ZNF606: variants seen among roughly 807,000 people sequenced by gnomAD.
The protein encoded by ZNF606 is zinc finger protein 606.
Under a neutral mutation model 74.9 loss-of-function variants are expected in ZNF606, and 37 were observed. The observed-to-expected ratio is 0.49, with a 90% CI of 0.38 to 0.65. The LOEUF (loss-of-function observed/expected upper bound fraction) is 0.65, where lower values mean the gene tolerates loss of function less well. Ranked by LOEUF, ZNF606 falls within the 30% of genes least tolerant of loss-of-function variation. The pLI, the probability that ZNF606 is intolerant of heterozygous loss-of-function variation, is 0.00. For missense variants in ZNF606, 852 were observed against 952.9 expected, an observed-to-expected ratio of 0.89 and a Z score of 1.39; for synonymous variants, 328 against 312.4, an observed-to-expected ratio of 1.05 and a Z score of -0.53.
upstream of ZNF606, chr19:58,003,262 A>C: frequency 2.2e-6 from 1 of 456,728 alleles, no homozygotes; most frequent in Non-Finnish European, 4.4e-6. Context: ...ACGGCTGAGA[A>C]CGTCAGGGCT....
chr19:57,993,130 C>T (rs1009539025), intron 4 of ZNF606, among the ~76,000 whole-genome samples: 13 of 152,144 alleles, frequency 8.5e-5, no homozygotes, highest in African/African-American at 3.1e-4. Context: ...AGTCAGGAAG[C>T]AGTCTCCCCT....
At chr19:57,990,841 T>G (rs143193969) in intron 4 of ZNF606, among the ~76,000 whole-genome samples, 1 of 152,100 alleles carries the variant, frequency 6.6e-6, no homozygotes, top group Non-Finnish European at 1.5e-5. Context: ...AAAGAACTGC[T>G]TCTGCTCCAA....
At chr19:57,987,335 T>A (rs113340447) in intron 6 of ZNF606, among the ~76,000 whole-genome samples, 99 of 151,922 alleles carry the variant, frequency 6.5e-4, no homozygotes, top group African/African-American at 2.2e-3. Context: ...AGCCTCAACA[T>A]CCCAGGCTCA....
chr19:57,987,358 C>T (rs1051311234), intron 6 of ZNF606, among the ~76,000 whole-genome samples: 1 of 152,092 alleles, frequency 6.6e-6, no homozygotes, highest in Non-Finnish European at 1.5e-5. Flanking sequence ...CAATCCTCAC[C>T]TCAGCCCCCT....
At chr19:58,000,659 C>A in intron 3 of ZNF606, 24 bp downstream of exon 3, 2 of 1,613,848 alleles carry the variant, frequency 1.2e-6, no homozygotes, top group Non-Finnish European at 1.7e-6. Flanking sequence ...TGGCAGCCCA[C>A]AGCTGACCAG....
intron 6 of ZNF606, among the ~76,000 whole-genome samples, chr19:57,984,619 T>C (rs2073137733): frequency 6.6e-6 from 1 of 152,224 alleles, no homozygotes; most frequent in South Asian, 2.1e-4. Context: ...AATTCCTACA[T>C]GCTTGTAGCT....
At chr19:57,988,822 T>C (rs1250078676) in intron 4 of ZNF606, 101 bp from the exon 5 acceptor site, 4 of 1,563,296 alleles carry the variant, frequency 2.6e-6, no homozygotes, top group Admixed American at 3.4e-5. Flanking sequence ...AGACAGGATG[T>C]AGAGAAACTC....
At chr19:57,997,836 G>A (rs1309021447) in intron 4 of ZNF606, 7 of 152,204 alleles carry the variant, frequency 4.6e-5, no homozygotes, top group African/African-American at 1.7e-4. Flanking sequence ...AATAATGACT[G>A]TACATTGTAA....
At chr19:58,003,126 C>T (rs1311958236), upstream of ZNF606, 3 of 419,360 alleles carry the variant, frequency 7.2e-6, no homozygotes, top group Admixed American at 5.2e-5. Flanking sequence ...GGGAGGAGCT[C>T]GGCGAGTTCT....
chr19:57,984,060 C>T (rs967924453), intron 6 of ZNF606, among the ~76,000 whole-genome samples: 3 of 152,048 alleles, frequency 2.0e-5, no homozygotes, highest in African/African-American at 7.2e-5. Flanking sequence ...AGAAAGGGGC[C>T]GGACTGTGAG....
upstream of ZNF606, chr19:58,003,049 A>G (rs2073469786): frequency 2.4e-6 from 1 of 416,986 alleles, no homozygotes; most frequent in Non-Finnish European, 4.9e-6. Context: ...AGGCCTGGGT[A>G]AGTCGCGGCC....
chr19:58,000,342 C>T (rs1250906997), intron 3 of ZNF606: 3 of 527,728 alleles, frequency 5.7e-6, no homozygotes, highest in Non-Finnish European at 1.0e-5. Context: ...CTGCCTCAGC[C>T]TCCCGAGCAG....
chr19:57,998,422 G>A (rs1030147079), intron 4 of ZNF606: 1 of 152,104 alleles, frequency 6.6e-6, no homozygotes, highest in African/African-American at 2.4e-5. Context: ...GGTAACTCTT[G>A]AGAAGGCAAA....
intron 6 of ZNF606, among the ~76,000 whole-genome samples, chr19:57,984,881 T>G (rs1429138589): frequency 6.6e-6 from 1 of 152,006 alleles, no homozygotes; most frequent in Non-Finnish European, 1.5e-5. Flanking sequence ...GATCACGAGG[T>G]CAGGAGATCA....
intron 4 of ZNF606, among the ~76,000 whole-genome samples, chr19:57,992,946 C>A (rs1330269137): frequency 1.3e-5 from 2 of 152,184 alleles, no homozygotes; most frequent in Non-Finnish European, 2.9e-5. Context: ...ATAAAAGGAA[C>A]TTTACAGATA....
chr19:57,995,523 T>C (rs968989311), intron 4 of ZNF606, among the ~76,000 whole-genome samples: 7 of 151,948 alleles, frequency 4.6e-5, no homozygotes, highest in South Asian at 4.1e-4. Context: ...AAAAAAATCA[T>C]TGGGAAAAAA....
At chr19:57,998,232 C>A (rs1452111484) in intron 4 of ZNF606, 6 of 151,810 alleles carry the variant, frequency 4.0e-5, no homozygotes, top group African/African-American at 4.8e-5. Context: ...TAGGAAAAAA[C>A]CAATTTAAAA....
chr19:58,001,442 A>C, intron 1 of ZNF606, 72 bp from the exon 2 acceptor site: 1 of 1,234,532 alleles, frequency 8.1e-7, no homozygotes, highest in South Asian at 1.3e-5. Context: ...AAAGAAGGGA[A>C]TCCATCCACC....
Position 58,002,443 on chromosome 19 carries a change from G to A in ZNF606, c.-99C>T, listed in dbSNP as rs943102858. ...CCTTGAAGGCGGCGCAGCAGGATCG[G>A]GGTCTGCCCGCCTGGGGCGTTTGGC... On this transcript the variant is annotated 5_prime_UTR_variant, in exon 1 of 7. Transcript: ENST00000551380. 2.0e-5 allele frequency: 9 copies of A among 455,404 alleles called. No homozygotes were observed. The highest frequency in any genetic ancestry group is 1.2e-4 in the Admixed American group (5 of 42,478). The allele number at this position is 455,404 out of a possible 1,614,324, so 28.2% of individuals were successfully genotyped here. A position where few individuals can be genotyped will look rare whatever the true frequency, so the allele number is the denominator to read the frequency against.
Sources: gnomAD v4.1 joint callset for allele counts (sites outside exome capture counted in the v4.1 genomes callset) on GRCh38, gnomAD v4.1.1 for gene constraint, MANE v1.5 for transcripts, NCBI Gene and HGNC (gene_info 2026-07-23, HGNC 2026-07-21) for gene names.